Variants in HERC1 observed in about 807,000 individuals in gnomAD.
The protein encoded by HERC1 is HECT and RLD domain containing E3 ubiquitin protein ligase family member 1.
Under a neutral mutation model 554.3 loss-of-function variants are expected in HERC1, and 160 were observed. That is an observed-to-expected ratio of 0.29 (90% CI 0.25 to 0.33). The LOEUF (loss-of-function observed/expected upper bound fraction) is 0.33, where lower values mean the gene tolerates loss of function less well. HERC1 is among the 10% of genes least tolerant of loss of function. The pLI, the probability that HERC1 is intolerant of heterozygous loss-of-function variation, is 1.00. For missense variants in HERC1, 4,919 were observed against 5,918.5 expected, an observed-to-expected ratio of 0.83 and a Z score of 5.54; for synonymous variants, 2,175 against 2,131.7, an observed-to-expected ratio of 1.02 and a Z score of -0.56.
intron 14 of HERC1, among the ~76,000 whole-genome samples, chr15:63,731,563 T>C (rs1458220028): frequency 6.6e-6 from 1 of 152,238 alleles, no homozygotes; most frequent in African/African-American, 2.4e-5. Flanking sequence ...CATTACTCCT[T>C]AACATCAGAT....
At chr15:63,809,563 C>T (rs947717727) in intron 1 of HERC1, among the ~76,000 whole-genome samples, 1 of 152,126 alleles carries the variant, frequency 6.6e-6, no homozygotes, top group Non-Finnish European at 1.5e-5. Flanking sequence ...CAGGACACAA[C>T]AGACCAATCC....
intron 1 of HERC1, among the ~76,000 whole-genome samples, chr15:63,817,218 T>C (rs2145573437): frequency 6.6e-6 from 1 of 152,214 alleles, no homozygotes; most frequent in East Asian, 1.9e-4. Flanking sequence ...TTCAAGCAAA[T>C]AAACTATAGA....
At chr15:63,781,183 C>T (rs561227429) in intron 1 of HERC1, among the ~76,000 whole-genome samples, 3 of 152,052 alleles carry the variant, frequency 2.0e-5, no homozygotes, top group South Asian at 2.1e-4. Flanking sequence ...AACAATGAAG[C>T]GGAAACCACA....
chr15:63,711,609 T>C (rs907755304), intron 24 of HERC1, among the ~76,000 whole-genome samples: 1 of 152,250 alleles, frequency 6.6e-6, no homozygotes, highest in African/African-American at 2.4e-5. Context: ...TGTAGCACTT[T>C]ATACTTTTTC....
intron 39 of HERC1, among the ~76,000 whole-genome samples, chr15:63,672,240 T>TA (rs1323719315): frequency 6.6e-6 from 1 of 152,200 alleles, no homozygotes; most frequent in Non-Finnish European, 1.5e-5. Context: ...GAGAGAATGT[T>TA]AGACTACTTG....
chr15:63,632,282 G>A (rs2068595454), intron 68 of HERC1: 2 of 212,608 alleles, frequency 9.4e-6, no homozygotes. Context: ...GAATGCCTGG[G>A]TTACGAACCT....
intron 1 of HERC1, among the ~76,000 whole-genome samples, chr15:63,782,773 A>G (rs965340624): frequency 6.6e-6 from 1 of 152,254 alleles, no homozygotes; most frequent in African/African-American, 2.4e-5. Flanking sequence ...AAGAGCATCC[A>G]TGGTTCATGG....
intron 25 of HERC1, among the ~76,000 whole-genome samples, chr15:63,706,304 T>C (rs986452197): frequency 6.6e-6 from 1 of 152,072 alleles, no homozygotes; most frequent in Non-Finnish European, 1.5e-5. Flanking sequence ...TTACATGCTT[T>C]ATCTTAATAG....
chr15:63,782,441 A>C (rs921452887), intron 1 of HERC1, among the ~76,000 whole-genome samples: 1 of 152,208 alleles, frequency 6.6e-6, no homozygotes, highest in African/African-American at 2.4e-5. Context: ...TACACAGTTT[A>C]CTAAATATTT....
intron 2 of HERC1, among the ~76,000 whole-genome samples, chr15:63,767,579 T>A (rs1403096449): frequency 6.6e-6 from 1 of 152,002 alleles, no homozygotes; most frequent in East Asian, 1.9e-4. Flanking sequence ...GCACCTGTAG[T>A]CCCAGCCACT....
rs578001384 is a variant in HERC1 at position 63,727,555 on chromosome 15, T to C, written c.3346+92A>G. The C allele has an allele frequency of 3.2e-4, 270 of 847,304 alleles. No individual in the cohort carries two copies. Among genetic ancestry groups the C allele is most frequent in the Non-Finnish European group, 4.4e-4 (243 of 547,038 alleles). 52.5% of individuals were successfully genotyped at this position (847,304 alleles called of 1,614,324 possible). ...TGAAATTCCTTTGATAGCCTTAGGA[T>C]AGATAGACTCCAATGGAAAAACACA... is the stretch of plus-strand genomic sequence containing the variant. On this transcript the variant is annotated intron_variant, in intron 17 of 77. Coordinates refer to ENST00000443617, the MANE Select transcript of HERC1 (RefSeq NM_003922.4). The surrounding 1 kb of genome is among the most constrained non-coding windows in gnomAD (Gnocchi z 4.3).
intron 75 of HERC1, 129 bp from the exon 76 acceptor site, chr15:63,616,049 A>G: frequency 1.3e-6 from 1 of 760,112 alleles, no homozygotes; most frequent in Non-Finnish European, 2.1e-6. Flanking sequence ...AACACAAAAC[A>G]GGTAGGACTG....
intron 12 of HERC1, among the ~76,000 whole-genome samples, chr15:63,743,328 C>G (rs1005695238): frequency 3.8e-5 from 5 of 130,042 alleles, no homozygotes; most frequent in African/African-American, 1.5e-4. Flanking sequence ...GTGGCACAAT[C>G]TGGGCTCACT....
chr15:63,638,862 A>C, intron 61 of HERC1, 86 bp from the exon 62 acceptor site: 1 of 905,112 alleles, frequency 1.1e-6, no homozygotes, highest in East Asian at 2.4e-5. Flanking sequence ...CTAATCATTA[A>C]GTCTTATTTC....
At position 63,718,627 on chromosome 15, in the gene HERC1, C is replaced by A. The variant is rs371407529; in HGVS notation, c.3925G>T (p.Ala1309Ser). 1 of 1,591,298 alleles carries A rather than the reference C, an allele frequency of 6.3e-7. No homozygotes were observed. The highest frequency in any genetic ancestry group is 8.6e-7 in the Non-Finnish European group (1 of 1,166,948). ...CVYKVRSRLL[A>S]CKNLELIQTR... is the part of the protein sequence containing the mutation. ...TGAATAAGTTCAAGGTTCTTGCAAG[C>A]AAGTAAACGACTTCGAACTTTGTAT... Residue 1309 changes from alanine to serine, a missense_variant, in exon 21 of 78, where the codon GCT becomes TCT. Ala to Ser is a moderately conservative substitution (Grantham distance 99). Around this residue, in one of 11 missense-constraint regions of HERC1, gnomAD observed 1,121 missense variants for 1,244.0 expected, o/e 0.90. Coordinates refer to ENST00000443617, the MANE Select transcript of HERC1 (RefSeq NM_003922.4). This position sits in a 1 kb window ranked among gnomAD's most constrained non-coding sequence, Gnocchi z 4.2.
chr15:63,755,403 A>G (rs2075389603), intron 5 of HERC1, 78 bp from the exon 6 acceptor site: 1 of 1,066,524 alleles, frequency 9.4e-7, no homozygotes, highest in Non-Finnish European at 1.4e-6. Flanking sequence ...ATACACAGAG[A>G]CTTCACAGAT....
intron 12 of HERC1, among the ~76,000 whole-genome samples, chr15:63,740,566 C>T (rs1401848783): frequency 1.3e-5 from 2 of 152,230 alleles, no homozygotes; most frequent in Non-Finnish European, 2.9e-5. Context: ...TCTAATTTCT[C>T]CACCTCCTCC....
intron 1 of HERC1, among the ~76,000 whole-genome samples, chr15:63,776,818 T>TA (rs1371241518): frequency 6.6e-6 from 1 of 151,968 alleles, no homozygotes; most frequent in Non-Finnish European, 1.5e-5. Context: ...AAAATAAAAA[T>TA]AAAAAAACTC....
rs2067665281 is a variant in HERC1 at position 63,612,963 on chromosome 15, C to G, written c.14095-407G>C. 6.6e-6 allele frequency among the ~76,000 whole-genome samples: 1 copy of G among 152,212 alleles called. No individual in the cohort carries two copies. The highest frequency in any genetic ancestry group is 2.4e-5 in the African/African-American group (1 of 41,444). ...GGTAAGAAGCTTTGGGGGCACTCAACTAGCTGCCTACTGTTTTTTAAATTT... is the reference window on the plus strand; with the variant it reads ...GGTAAGAAGCTTTGGGGGCACTCAAGTAGCTGCCTACTGTTTTTTAAATTT... On this transcript the variant is annotated intron_variant, in intron 76 of 77. Coordinates refer to ENST00000443617, the MANE Select transcript of HERC1 (RefSeq NM_003922.4). The surrounding 1 kb of genome is among the most constrained non-coding windows in gnomAD (Gnocchi z 5.0).
Sources: gnomAD v4.1 joint callset for allele counts (sites outside exome capture counted in the v4.1 genomes callset) on GRCh38, gnomAD v4.1.1 for gene constraint, gnomAD v4.1.1 regional missense constraint, Gnocchi (gnomAD v3.1) non-coding constraint, MANE v1.5 for transcripts, NCBI Gene and HGNC (gene_info 2026-07-23, HGNC 2026-07-21) for gene names.